The following COL13A1 variants were observed in gnomAD, a reference collection of about 807,000 sequenced individuals.
The protein encoded by COL13A1 is collagen type XIII alpha 1 chain.
In COL13A1, 89 loss-of-function variants were observed where a neutral mutation model predicts 130.9. The observed-to-expected ratio is 0.68, with a 90% CI of 0.57 to 0.81. The LOEUF is 0.81. COL13A1 is among the 30% of genes least tolerant of loss of function. COL13A1 has a pLI of 0.00. For synonymous variants in COL13A1, 402 were observed against 341.6 expected (o/e 1.18, Z -1.95); for missense variants, 879 against 934.6 (o/e 0.94, Z 0.78).
At chr10:69,853,268 C>T (rs12220750) in intron 2 of COL13A1, among the ~76,000 whole-genome samples, 32,367 of 152,010 alleles carry the variant, frequency 0.21, 4,358 homozygotes, top group East Asian at 0.57. Flanking sequence ...CTGCACCCAC[C>T]CCCCGTCCCA....
intron 2 of COL13A1, among the ~76,000 whole-genome samples, chr10:69,864,792 G>A (rs1161465573): frequency 2.6e-5 from 4 of 152,178 alleles, no homozygotes; most frequent in Non-Finnish European, 5.9e-5. Flanking sequence ...AACGGTAGTG[G>A]CCTCAGCAGG....
intron 9 of COL13A1, 42 bp from the exon 10 acceptor site, chr10:69,889,372 C>T: frequency 1.3e-6 from 2 of 1,598,334 alleles, no homozygotes; most frequent in East Asian, 2.3e-5. Flanking sequence ...AACTTCTGGG[C>T]TGCGAACAGT....
chr10:69,889,064 G>A (rs2060892322), intron 9 of COL13A1, among the ~76,000 whole-genome samples: 1 of 152,162 alleles, frequency 6.6e-6, no homozygotes, highest in Admixed American at 6.5e-5. Flanking sequence ...GCAGCCCAGG[G>A]GTGCCAGCAA....
chr10:69,808,049 GT>G lies in COL13A1; in HGVS notation c.294+5339del, dbSNP rs959143695. ...AAGCTATTTCATAACTCTAGATTTT[GT>G]TTTTTTAATAACAGGTGCTTACTAT... On this transcript the variant is annotated intron_variant, in intron 1 of 40. Transcript: ENST00000645393. 4.6e-5 allele frequency among the ~76,000 whole-genome samples: 7 copies of G among 152,236 alleles called. No homozygotes were observed. The East Asian group carries it at 7.7e-4, about 17-fold the overall frequency.
Position 69,922,722 on chromosome 10 carries a change from T to G in COL13A1, c.1158T>G (p.Asp386Glu). 6.8e-6 allele frequency: 11 copies of G among 1,606,768 alleles called. No individual in the cohort carries two copies. The highest frequency in any genetic ancestry group is 8.5e-6 in the Non-Finnish European group (10 of 1,177,090). The change falls in exon 23 of 41, where the codon GAT becomes GAG. Residue 386 changes from aspartate (D) to glutamate (E), a missense_variant. Physicochemically the swap from Asp to Glu is conservative, Grantham distance 45. This residue lies in a region of COL13A1 where 715 missense variants were observed against 721.0 expected (regional missense o/e 0.99). Coordinates refer to ENST00000645393, the MANE Select transcript of COL13A1 (RefSeq NM_001368882.1). ...GLLGQKGEKG[D>E]AGNSIGGGRG... is the part of the protein sequence containing the mutation. ...TCCACCCCCAGGGAGAGAAAGGCGATGCTGGCAACTCCATTGGAGGAGGCA... is the reference window on the plus strand; with the variant it reads ...TCCACCCCCAGGGAGAGAAAGGCGAGGCTGGCAACTCCATTGGAGGAGGCA...
At chr10:69,804,870 C>G (rs147340485) in intron 1 of COL13A1, among the ~76,000 whole-genome samples, 63 of 138,752 alleles carry the variant, frequency 4.5e-4, no homozygotes, top group African/African-American at 1.7e-3. Flanking sequence ...AGAGAGGGGC[C>G]TGGGGAATGC....
intron 14 of COL13A1, 46 bp from the exon 15 acceptor site, chr10:69,902,702 C>G: frequency 6.7e-7 from 1 of 1,489,748 alleles, no homozygotes; most frequent in African/African-American, 1.4e-5. Flanking sequence ...GGACGGTCTG[C>G]AGCTCTGGGG....
intron 7 of COL13A1, among the ~76,000 whole-genome samples, chr10:69,886,922 G>T (rs1274504191): frequency 6.6e-6 from 1 of 152,206 alleles, no homozygotes; most frequent in Non-Finnish European, 1.5e-5. Context: ...CTCAGAGATT[G>T]CCCAACTGCT....
In COL13A1 at chr10:69,929,423, C is replaced by G. The variant is rs148415974; in HGVS notation, c.1485+424C>G. ...CCCTCTGTCTCCCACTCATGAGGTC[C>G]TCTCCCCTGCAAGTCTTTTTCCATC... On this transcript the variant is annotated intron_variant, in intron 28 of 40. Coordinates refer to ENST00000645393, the MANE Select transcript of COL13A1 (RefSeq NM_001368882.1). 3.5e-3 allele frequency among the ~76,000 whole-genome samples: 530 copies of G among 152,164 alleles called. 1 individual carries two copies. Among genetic ancestry groups the G allele is most frequent in the Middle Eastern group, 0.014 (4 of 294 alleles).
At chr10:69,839,728 G>T (rs780247864) in intron 2 of COL13A1, among the ~76,000 whole-genome samples, 12 of 151,318 alleles carry the variant, frequency 7.9e-5, no homozygotes, top group Admixed American at 1.3e-4. Context: ...AGGTCGGAAT[G>T]AGCTTGGTGT....
intron 38 of COL13A1, among the ~76,000 whole-genome samples, chr10:69,952,415 C>A (rs1157806106): frequency 6.6e-6 from 1 of 152,250 alleles, no homozygotes; most frequent in African/African-American, 2.4e-5. Flanking sequence ...TATGTTCACA[C>A]ACATCCCAGG....
intron 2 of COL13A1, among the ~76,000 whole-genome samples, chr10:69,828,246 T>C (rs1847979724): frequency 6.6e-6 from 1 of 152,202 alleles, no homozygotes; most frequent in South Asian, 2.1e-4. Flanking sequence ...TGGTGTGCTT[T>C]CCCCTGCGAT....
chr10:69,870,910 G>A (rs1468758072), intron 3 of COL13A1, among the ~76,000 whole-genome samples: 2 of 152,082 alleles, frequency 1.3e-5, no homozygotes, highest in African/African-American at 4.8e-5. Context: ...ATGCTTGGGC[G>A]AAGCACAGTT....
At chr10:69,812,153 C>T (rs1337224437) in intron 1 of COL13A1, among the ~76,000 whole-genome samples, 2 of 152,244 alleles carry the variant, frequency 1.3e-5, no homozygotes, top group Non-Finnish European at 2.9e-5. Context: ...CTAGAGACCG[C>T]ATTGCTAAAT....
At position 69,925,884 on chromosome 10, in the gene COL13A1, C is replaced by A; in HGVS notation, c.1398+12C>A. The stretch of plus-strand genomic sequence containing the variant: ...ATGAGGCTCTCCAGGTGAGCAGGGT[C>A]CAGCCCAGAGGCCAAGATCCTCATG... On this transcript the variant is annotated intron_variant, in intron 26 of 40. Transcript: ENST00000645393. The A allele has an allele frequency of 6.3e-7, 1 of 1,581,328 alleles. No homozygotes were observed. The highest frequency in any genetic ancestry group is 1.8e-5 in the Admixed American group (1 of 55,666).
In COL13A1 at chr10:69,842,274, C is replaced by T. The variant is rs377129291; in HGVS notation, c.364+19836C>T. On this transcript the variant is annotated intron_variant, in intron 2 of 40. Coordinates refer to ENST00000645393, the MANE Select transcript of COL13A1 (RefSeq NM_001368882.1). ...TCTCTCGCCTGCCGCCACATTAAGA[C>T]GTGCCTTTCACCTTCTGCCAGGGTT... Among the ~76,000 whole-genome samples the T allele has an allele frequency of 1.4e-4, 22 of 152,328 alleles. No individual in the cohort carries two copies. The East Asian group carries it at 2.1e-3, about 15-fold the overall frequency.
chr10:69,920,533 G>A (rs545585446), intron 21 of COL13A1, among the ~76,000 whole-genome samples: 14 of 152,310 alleles, frequency 9.2e-5, no homozygotes, highest in South Asian at 8.3e-4. Flanking sequence ...CCATAAGGTC[G>A]AGGCCCTAAT....
In COL13A1 at chr10:69,822,397, G is replaced by A. The variant is rs1000620598; in HGVS notation, c.323G>A (p.Arg108Gln). The change falls in exon 2 of 41, where the codon CGG (arginine) becomes CAG (glutamine). Residue 108 changes from arginine to glutamine, a missense_variant. Around this residue, in one of 3 missense-constraint regions of COL13A1, gnomAD observed 715 missense variants for 721.0 expected, o/e 0.99. Coordinates refer to ENST00000645393, the MANE Select transcript of COL13A1 (RefSeq NM_001368882.1). ...TGGAAGCTCCACTCAAGGAGGCGCC[G>A]GGAGGCCCCAAAGACATCTCCAGGA... Reference protein sequence around the residue: ...EKWKLHSRRRREAPKTSPGCN... With the variant: ...EKWKLHSRRRQEAPKTSPGCN... 18 of 1,593,780 alleles carry A rather than the reference G, an allele frequency of 1.1e-5. No individual in the cohort carries two copies. The highest frequency in any genetic ancestry group is 1.5e-5 in the Non-Finnish European group (18 of 1,170,356).
At chr10:69,926,621 C>T (rs892416678) in intron 26 of COL13A1, among the ~76,000 whole-genome samples, 3 of 152,168 alleles carry the variant, frequency 2.0e-5, no homozygotes, top group African/African-American at 7.2e-5. Context: ...CAATCATCTC[C>T]CTGATCTATT....
Sources: allele counts gnomAD v4.1 joint callset (sites outside exome capture counted in the v4.1 genomes callset), GRCh38; gene constraint gnomAD v4.1.1; regional missense constraint gnomAD v4.1.1; transcripts MANE v1.5; gene names NCBI Gene and HGNC (gene_info 2026-07-23, HGNC 2026-07-21).